The following CSMD3 variants were observed in gnomAD, a reference collection of about 807,000 sequenced individuals.
CSMD3 encodes the protein CUB and Sushi multiple domains 3, also known as CUB and sushi domain-containing protein 3.
Under a neutral mutation model 435.2 loss-of-function variants are expected in CSMD3, and 177 were observed. That is an observed-to-expected ratio of 0.41 (90% CI 0.36 to 0.46). The LOEUF is 0.46. CSMD3 is among the 20% of genes least tolerant of loss of function. The pLI is 0.34. For synonymous variants in CSMD3, 1,656 were observed against 1,520.5 expected (o/e 1.09, Z -2.07); for missense variants, 4,265 against 4,504.6 (o/e 0.95, Z 1.52).
intron 5 of CSMD3, 127 bp from the exon 6 acceptor site, chr8:113,019,306 A>T: frequency 2.9e-6 from 2 of 700,238 alleles, no homozygotes; most frequent in African/African-American, 1.8e-5. Context: ...TTTTAAGCAC[A>T]AATGAAATAG....
intron 1 of CSMD3, among the ~76,000 whole-genome samples, chr8:113,423,342 T>G (rs2129972159): frequency 6.6e-6 from 1 of 152,178 alleles, no homozygotes; most frequent in African/African-American, 2.4e-5. Flanking sequence ...GGTGTACCTC[T>G]TATAGATAGC....
intron 45 of CSMD3, among the ~76,000 whole-genome samples, chr8:112,321,388 G>C (rs955802618): frequency 1.3e-5 from 2 of 152,052 alleles, no homozygotes; most frequent in Non-Finnish European, 2.9e-5. Flanking sequence ...GCATCAACTA[G>C]ACCAGCTCAG....
At chr8:112,461,177 A>C (rs1453821871) in intron 32 of CSMD3, among the ~76,000 whole-genome samples, 2 of 152,140 alleles carry the variant, frequency 1.3e-5, no homozygotes, top group Admixed American at 6.5e-5. Flanking sequence ...TCGTTATACT[A>C]TCCTAAAACA....
intron 10 of CSMD3, among the ~76,000 whole-genome samples, chr8:112,904,127 G>A (rs1564086831): frequency 1.3e-5 from 2 of 151,224 alleles, no homozygotes; most frequent in Non-Finnish European, 3.0e-5. Context: ...TCCTTATGTG[G>A]AAAATAGATA....
chr8:112,254,069 T>A (rs1293458638), intron 63 of CSMD3, among the ~76,000 whole-genome samples, 184 bp downstream of exon 63: 1 of 152,182 alleles, frequency 6.6e-6, no homozygotes, highest in African/African-American at 2.4e-5. Flanking sequence ...GGAAATTTTA[T>A]TAAAAAAATT....
At chr8:112,600,676 T>G (rs1462580389) in intron 22 of CSMD3, among the ~76,000 whole-genome samples, 1 of 151,942 alleles carries the variant, frequency 6.6e-6, no homozygotes, top group Non-Finnish European at 1.5e-5. Context: ...ATCTCATGAT[T>G]TTTTTTTCTT....
intron 1 of CSMD3, among the ~76,000 whole-genome samples, chr8:113,419,321 T>TC (rs2094598605): frequency 6.6e-6 from 1 of 152,202 alleles, no homozygotes; most frequent in Non-Finnish European, 1.5e-5. Context: ...TTTCACCATG[T>TC]CGGCCAAGCT....
rs186599915 is a variant in CSMD3 at position 112,601,969 on chromosome 8, G to A, written c.3716-14734C>T. Among the ~76,000 whole-genome samples, 381 of 152,216 alleles carry A rather than the reference G, an allele frequency of 2.5e-3. No homozygotes were observed. The Middle Eastern group carries it at 0.034, about 14-fold the overall frequency. On this transcript the variant is annotated intron_variant, in intron 22 of 70. Coordinates refer to ENST00000297405, the MANE Select transcript of CSMD3 (RefSeq NM_198123.2). Reference sequence around the variant, plus strand: ...ATACAAGTTTCAGGTTAAGCATAACGTTAATAAAGTTCTCTAGCAGGGCAG... The same window carrying A: ...ATACAAGTTTCAGGTTAAGCATAACATTAATAAAGTTCTCTAGCAGGGCAG...
At chr8:113,298,712 A>G (rs749233900) in intron 2 of CSMD3, among the ~76,000 whole-genome samples, 3 of 152,116 alleles carry the variant, frequency 2.0e-5, no homozygotes, top group Admixed American at 6.6e-5. Flanking sequence ...TGGAGAGACT[A>G]GTTACATGTT....
chr8:113,240,264 G>C (rs1588345473), intron 3 of CSMD3, among the ~76,000 whole-genome samples: 1 of 152,220 alleles, frequency 6.6e-6, no homozygotes, highest in East Asian at 1.9e-4. Flanking sequence ...TCATTGATGA[G>C]CATTTAGGTT....
chr8:112,880,397 A>C (rs1469543166), intron 10 of CSMD3, among the ~76,000 whole-genome samples: 2 of 152,070 alleles, frequency 1.3e-5, no homozygotes. Flanking sequence ...GCCTATAAGT[A>C]CTAAGATAAA....
chr8:112,449,360 T>C (rs1220301733), intron 32 of CSMD3, among the ~76,000 whole-genome samples: 2 of 152,166 alleles, frequency 1.3e-5, no homozygotes, highest in African/African-American at 2.4e-5. Context: ...TCATGAGATC[T>C]AGCATCAACA....
intron 4 of CSMD3, among the ~76,000 whole-genome samples, chr8:113,106,700 C>T (rs1468968503): frequency 6.6e-6 from 1 of 152,184 alleles, no homozygotes; most frequent in Non-Finnish European, 1.5e-5. Flanking sequence ...TGAGGTGTTG[C>T]TGGGAGGCAG....
chr8:113,270,976 C>A (rs1316097735), intron 3 of CSMD3, among the ~76,000 whole-genome samples: 1 of 98,044 alleles, frequency 1.0e-5, no homozygotes, highest in Non-Finnish European at 1.8e-5. Context: ...AAAGTATAAT[C>A]AAAAAGCATA....
At chr8:113,386,495 T>C (rs189582217) in intron 1 of CSMD3, among the ~76,000 whole-genome samples, 17 of 152,032 alleles carry the variant, frequency 1.1e-4, no homozygotes, top group Admixed American at 5.3e-4. Flanking sequence ...TTACATTTAG[T>C]CATCCCTGCA....
chr8:112,324,388 C>A (rs1823295062), intron 45 of CSMD3, among the ~76,000 whole-genome samples: 1 of 152,108 alleles, frequency 6.6e-6, no homozygotes, highest in Non-Finnish European at 1.5e-5. Context: ...ATACCTAACA[C>A]ATTTAATTTA....
In CSMD3 at chr8:112,317,190, A is replaced by C. The variant is rs568833956; in HGVS notation, c.7360+1647T>G. Among the ~76,000 whole-genome samples the C allele has an allele frequency of 1.2e-4, 18 of 152,128 alleles. No homozygotes were observed. In the South Asian group the frequency reaches 3.7e-3, roughly 32 times the overall value. On this transcript the variant is annotated intron_variant, in intron 47 of 70. Transcript: ENST00000297405. Reference sequence around the variant, plus strand: ...CTATGTTTTCTGTATTCTCCACAGCAGACAGAATAAGTTCAATTACTAATC... The same window carrying C: ...CTATGTTTTCTGTATTCTCCACAGCCGACAGAATAAGTTCAATTACTAATC...
chr8:112,319,446 T>C (rs1822783155), intron 46 of CSMD3, among the ~76,000 whole-genome samples: 1 of 152,138 alleles, frequency 6.6e-6, no homozygotes, highest in Non-Finnish European at 1.5e-5. Flanking sequence ...AATTTCCAAC[T>C]CAGTTTTAAA....
rs2130576925 is a variant in CSMD3, at chr8:112,281,181, G to T, written c.9501C>A (p.Asn3167Lys). The T allele has an allele frequency of 6.2e-7, 1 of 1,609,388 alleles. No homozygotes were observed. Among genetic ancestry groups the T allele is most frequent in the Non-Finnish European group, 8.5e-7 (1 of 1,175,920 alleles). ...TATTGAGAATATACTTACTTGTACA[G>T]TTAGGTAAAGTTCCAGACCATGTTC... ...ANGTWSGTLP[N>K]CTIISCGDPG... The change falls in exon 59 of 71, where the codon AAC becomes AAA. Residue 3167 changes from asparagine to lysine, a missense_variant. Around this residue, in one of 3 missense-constraint regions of CSMD3, gnomAD observed 3,255 missense variants for 3,380.2 expected, o/e 0.96. Coordinates refer to ENST00000297405, the MANE Select transcript of CSMD3 (RefSeq NM_198123.2).
Sources: allele counts gnomAD v4.1 joint callset (sites outside exome capture counted in the v4.1 genomes callset), GRCh38; gene constraint gnomAD v4.1.1; regional missense constraint gnomAD v4.1.1; transcripts MANE v1.5; gene names NCBI Gene and HGNC (gene_info 2026-07-23, HGNC 2026-07-21).